Variants in AGFG1 observed in about 807,000 individuals in gnomAD.
AGFG1 encodes the protein ArfGAP with FG repeats 1.
A neutral mutation model predicts 60.6 loss-of-function variants in AGFG1; 10 were observed. The ratio of observed to expected loss-of-function variants is 0.16; its 90% CI spans 0.10 to 0.28. AGFG1 has a LOEUF of 0.28. Ranked by LOEUF, AGFG1 falls within the 10% of genes least tolerant of loss-of-function variation. The pLI is 1.00. For synonymous variants in AGFG1, 247 were observed against 242.9 expected, an observed-to-expected ratio of 1.02 and a Z score of -0.16; for missense variants, 537 against 676.5, an observed-to-expected ratio of 0.79 and a Z score of 2.29.
At chr2:227,511,753 A>G (rs1173585864) in intron 2 of AGFG1, among the ~76,000 whole-genome samples, 1 of 152,234 alleles carries the variant, frequency 6.6e-6, no homozygotes, top group Non-Finnish European at 1.5e-5. Context: ...CAAGCATACA[A>G]ATAGTGTTGA....
intron 2 of AGFG1, among the ~76,000 whole-genome samples, chr2:227,515,389 T>C (rs1232495864): frequency 6.6e-6 from 1 of 152,180 alleles, no homozygotes; most frequent in Admixed American, 6.5e-5. Context: ...CTCCCAGATT[T>C]CAGTTTCAAG....
chr2:227,519,089 G>T (rs1691746451), intron 2 of AGFG1, among the ~76,000 whole-genome samples: 1 of 152,126 alleles, frequency 6.6e-6, no homozygotes, highest in South Asian at 2.1e-4. Flanking sequence ...GTGGGAGGAT[G>T]GCTTGAGCCT....
At position 227,557,115 on chromosome 2, in the gene AGFG1, G is replaced by C. The variant is rs977938223; in HGVS notation, c.*2620G>C. On this transcript the variant is annotated 3_prime_UTR_variant, in exon 13 of 13. Coordinates refer to ENST00000310078, the MANE Select transcript of AGFG1 (RefSeq NM_004504.5). ...AGAAAAAATCCTGGAAGGTAACAAG[G>C]CTGAAGACCTTCAAATTTCCTGGCT... 2 of 152,110 alleles carry C rather than the reference G, an allele frequency of 1.3e-5. No homozygotes were observed. The highest frequency in any genetic ancestry group is 2.4e-5 in the African/African-American group (1 of 41,406). 9.4% of individuals were successfully genotyped at this position (152,110 alleles called of 1,614,324 possible). A position where few individuals can be genotyped will look rare whatever the true frequency, so the allele number is the denominator to read the frequency against.
intron 2 of AGFG1, among the ~76,000 whole-genome samples, chr2:227,509,011 G>A (rs1052167150): frequency 6.6e-6 from 1 of 152,128 alleles, no homozygotes; most frequent in Non-Finnish European, 1.5e-5. Flanking sequence ...AAAAATTTTA[G>A]CATTAAAATG....
intron 1 of AGFG1, among the ~76,000 whole-genome samples, chr2:227,477,660 C>G (rs1326213455): frequency 6.6e-6 from 1 of 152,080 alleles, no homozygotes; most frequent in Admixed American, 6.5e-5. Context: ...GGCTGGAGTG[C>G]AGTGGTGCGA....
At chr2:227,493,254 A>T (rs879381122) in intron 2 of AGFG1, among the ~76,000 whole-genome samples, 26 of 152,198 alleles carry the variant, frequency 1.7e-4, no homozygotes, top group Non-Finnish European at 3.5e-4. Flanking sequence ...GCTGTATAGC[A>T]GATCTCTAGA....
intron 5 of AGFG1, among the ~76,000 whole-genome samples, chr2:227,526,887 C>T (rs1281498979): frequency 1.3e-5 from 2 of 152,108 alleles, no homozygotes; most frequent in Non-Finnish European, 2.9e-5. Flanking sequence ...CTTTGAATGG[C>T]CTTTTCTCCC....
chr2:227,513,072 T>C (rs1167934978), intron 2 of AGFG1, among the ~76,000 whole-genome samples: 1 of 152,232 alleles, frequency 6.6e-6, no homozygotes, highest in Non-Finnish European at 1.5e-5. Context: ...AAGGTGAATA[T>C]CCATTTCAAC....
chr2:227,484,620 G>A (rs1379694348), intron 1 of AGFG1, among the ~76,000 whole-genome samples: 1 of 150,012 alleles, frequency 6.7e-6, no homozygotes, highest in East Asian at 2.0e-4. Context: ...GACTTTCTTG[G>A]GTCATTTTTC....
intron 11 of AGFG1, among the ~76,000 whole-genome samples, chr2:227,552,830 C>T (rs775804484): frequency 9.9e-5 from 15 of 151,130 alleles, no homozygotes; most frequent in East Asian, 5.9e-4. Context: ...AGAGAAACCC[C>T]GTCTCTACTA....
In AGFG1 at chr2:227,552,114, A is replaced by G. The variant is rs775298235; in HGVS notation, c.1534A>G (p.Asn512Asp). 32 of 1,614,174 alleles carry G rather than the reference A, an allele frequency of 2.0e-5. No individual in the cohort carries two copies. In the South Asian group the frequency reaches 2.9e-4, roughly 14 times the overall value. Reference protein sequence around the residue: ...PQQTAFSQQPNGAGFAAFGQT... With the variant: ...PQQTAFSQQPDGAGFAAFGQT... The stretch of plus-strand genomic sequence containing the variant: ...ACAGACAGCTTTTTCTCAACAGCCC[A>G]ATGGTAAGATCTAACATTTGGCGAG... The change falls in exon 11 of 13, where the codon AAT (asparagine) becomes GAT (aspartate). Residue 512 changes from asparagine to aspartate, a missense_variant. Coordinates refer to ENST00000310078, the MANE Select transcript of AGFG1 (RefSeq NM_004504.5).
intron 1 of AGFG1, among the ~76,000 whole-genome samples, chr2:227,478,796 T>G (rs940867454): frequency 6.6e-6 from 1 of 152,238 alleles, no homozygotes; most frequent in African/African-American, 2.4e-5. Flanking sequence ...TAAAACAGTT[T>G]GAATGCTGAA....
intron 10 of AGFG1, among the ~76,000 whole-genome samples, chr2:227,543,930 TG>T (rs1170112732): frequency 1.3e-5 from 2 of 152,228 alleles, no homozygotes; most frequent in Non-Finnish European, 2.9e-5. Flanking sequence ...CATTATGTAA[TG>T]GTCTTCTTTG....
At chr2:227,538,322 G>T (rs1395372905) in intron 10 of AGFG1, among the ~76,000 whole-genome samples, 1 of 152,184 alleles carries the variant, frequency 6.6e-6, no homozygotes, top group Admixed American at 6.5e-5. Context: ...AGCCAAACTT[G>T]TGTTCGAATT....
At chr2:227,531,290 T>C in intron 6 of AGFG1, 80 bp downstream of exon 6, 2 of 1,468,768 alleles carry the variant, frequency 1.4e-6, no homozygotes, top group Non-Finnish European at 1.8e-6. Flanking sequence ...AAAATTAGTC[T>C]AAACTTAAAT....
At chr2:227,520,253 C>G (rs781350818) in intron 3 of AGFG1, among the ~76,000 whole-genome samples, 190 bp downstream of exon 3, 5 of 152,144 alleles carry the variant, frequency 3.3e-5, no homozygotes, top group Non-Finnish European at 7.4e-5. Flanking sequence ...CTTAACTCAT[C>G]TGTTCCTGGC....
At chr2:227,479,417 G>A (rs1690389667) in intron 1 of AGFG1, among the ~76,000 whole-genome samples, 1 of 152,164 alleles carries the variant, frequency 6.6e-6, no homozygotes, top group African/African-American at 2.4e-5. Flanking sequence ...TAATATTAGT[G>A]CATTATAAAT....
chr2:227,548,779 T>C (rs1024497789), intron 10 of AGFG1, among the ~76,000 whole-genome samples: 1 of 151,912 alleles, frequency 6.6e-6, no homozygotes, highest in African/African-American at 2.4e-5. Context: ...CTACTAAAAA[T>C]ACAAAAAATT....
intron 2 of AGFG1, among the ~76,000 whole-genome samples, chr2:227,497,751 T>TGGGGACGGAG: frequency 1.5e-5 from 2 of 131,842 alleles, no homozygotes; most frequent in East Asian, 2.2e-4. Context: ...TTTTTTTTTT[T>TGGGGACGGAG]TTTTTTTTTT....
Sources: gnomAD v4.1 joint callset for allele counts (sites outside exome capture counted in the v4.1 genomes callset) on GRCh38, gnomAD v4.1.1 for gene constraint, MANE v1.5 for transcripts, NCBI Gene and HGNC (gene_info 2026-07-23, HGNC 2026-07-21) for gene names.